KNDC1: variants seen among roughly 807,000 people sequenced by gnomAD.
KNDC1 encodes the protein kinase non-catalytic C-lobe domain containing 1.
KNDC1 carries 106 observed loss-of-function variants against 172.8 expected under a neutral mutation model. The observed-to-expected ratio is 0.61, with a 90% CI of 0.52 to 0.72. KNDC1 has a LOEUF of 0.72. Ranked by LOEUF, KNDC1 falls within the 30% of genes least tolerant of loss-of-function variation. The probability of loss-of-function intolerance (pLI) is 0.00; values close to 1 mark genes in which losing one functional copy is unlikely to be tolerated. For missense variants in KNDC1, 2,325 were observed against 2,394.5 expected (o/e 0.97, Z 0.61); for synonymous variants, 1,083 against 1,062.2 (o/e 1.02, Z -0.38).
chr10:133,186,886 G>A (rs1378020915), intron 6 of KNDC1, among the ~76,000 whole-genome samples: 2 of 152,204 alleles, frequency 1.3e-5, no homozygotes, highest in African/African-American at 4.8e-5. Context: ...GGCCTCTCGG[G>A]TAGACGTTTG....
In KNDC1 at chr10:133,209,283, GGAGTATAGTGT is replaced by G. The variant is rs1845300258; in HGVS notation, c.3795-1326_3795-1316del. On this transcript the variant is annotated intron_variant, in intron 20 of 29. Transcript: ENST00000304613. The surrounding 1 kb of genome is among the most constrained non-coding windows in gnomAD (Gnocchi z 4.9). The stretch of plus-strand genomic sequence containing the variant: ...ATGCGGTAGTGTGTGTGTGGTGTGT[GGAGTATAGTGT>G]GTGTGGTGTGGGGTACAGTGTGTGT... Among the ~76,000 whole-genome samples, 1 of 142,102 alleles carries G rather than the reference GGAGTATAGTGT, an allele frequency of 7.0e-6. No homozygotes were observed. Among genetic ancestry groups the G allele is most frequent in the African/African-American group, 2.5e-5 (1 of 39,276 alleles). 93.2% of individuals were successfully genotyped at this position (142,102 alleles called of 152,430 possible).
chr10:133,204,460 C>G (rs1300281011), intron 17 of KNDC1, among the ~76,000 whole-genome samples: 1 of 152,156 alleles, frequency 6.6e-6, no homozygotes, highest in Non-Finnish European at 1.5e-5. Context: ...GGGAACCTGG[C>G]TTAGTGGCCG....
intron 29 of KNDC1, among the ~76,000 whole-genome samples, chr10:133,221,105 A>G (rs1021389157): frequency 1.3e-5 from 2 of 152,082 alleles, no homozygotes; most frequent in African/African-American, 2.4e-5. Flanking sequence ...ACCCAGGCAC[A>G]CTTTCCACCC....
chr10:133,171,169 A>G (rs534347574), intron 3 of KNDC1, among the ~76,000 whole-genome samples: 1 of 152,002 alleles, frequency 6.6e-6, no homozygotes, highest in Non-Finnish European at 1.5e-5. Context: ...AGTTACTTTA[A>G]CGTTGTAAAG....
At chr10:133,210,028 C>T (rs182825221) in intron 20 of KNDC1, among the ~76,000 whole-genome samples, 2 of 152,204 alleles carry the variant, frequency 1.3e-5, no homozygotes, top group Non-Finnish European at 2.9e-5. Context: ...CCTCAGCTTC[C>T]CGAGCTAACG....
chr10:133,186,732 C>A, intron 6 of KNDC1, 58 bp downstream of exon 6: 1 of 1,257,916 alleles, frequency 7.9e-7, no homozygotes, highest in Non-Finnish European at 1.1e-6. Context: ...AGTCCGGGGC[C>A]GGGCCTCTCC....
intron 20 of KNDC1, 40 bp from the exon 21 acceptor site, chr10:133,210,571 G>C: frequency 7.9e-7 from 1 of 1,260,574 alleles, no homozygotes; most frequent in Non-Finnish European, 1.2e-6. Flanking sequence ...CTGGGGTGCG[G>C]CCACCCCACC....
chr10:133,183,473 G>A lies in KNDC1; in HGVS notation c.490G>A (p.Asp164Asn), dbSNP rs1364114945. The A allele has an allele frequency of 6.2e-7, 1 of 1,603,212 alleles. No homozygotes were observed. The highest frequency in any genetic ancestry group is 1.3e-5 in the African/African-American group (1 of 74,806). Residue 164 changes from aspartate to asparagine, a missense_variant, in exon 4 of 30, where the codon GAC (aspartate) becomes AAC (asparagine). Coordinates refer to ENST00000304613, the MANE Select transcript of KNDC1 (RefSeq NM_152643.8). ...LSRMQAEDPGDRPDLESIIAL... is the reference protein window; with the variant it reads ...LSRMQAEDPGNRPDLESIIAL... ...CCGGATGCAGGCGGAGGACCCCGGG[G>A]ACCGGCCGGACCTTGAGGTAAGCGA... is the stretch of plus-strand genomic sequence containing the variant.
intron 26 of KNDC1, among the ~76,000 whole-genome samples, chr10:133,214,323 G>A (rs1031836465): frequency 5.3e-5 from 8 of 152,180 alleles, no homozygotes; most frequent in African/African-American, 1.9e-4. Context: ...GGGGTCAGCC[G>A]CCCTCCCAGC....
At chr10:133,219,770 T>C (rs1437665043) in intron 28 of KNDC1, among the ~76,000 whole-genome samples, 185 bp from the exon 29 acceptor site, 1 of 152,158 alleles carries the variant, frequency 6.6e-6, no homozygotes, top group Non-Finnish European at 1.5e-5. Context: ...ACCCCGCAGG[T>C]GTGAGCCAAG....
At chr10:133,181,787 G>A (rs1045920838) in intron 3 of KNDC1, among the ~76,000 whole-genome samples, 48 of 151,406 alleles carry the variant, frequency 3.2e-4, no homozygotes, top group African/African-American at 1.1e-3. Context: ...GTGCACGTAT[G>A]TGTCTGCATG....
chr10:133,162,171 C>G (rs1233007022), intron 1 of KNDC1, among the ~76,000 whole-genome samples: 2 of 152,232 alleles, frequency 1.3e-5, no homozygotes, highest in African/African-American at 4.8e-5. Context: ...TGGAAAGCAT[C>G]GGGTGGTCCC....
In KNDC1 at chr10:133,225,020, C is replaced by T; in HGVS notation, c.*130C>T. The T allele has an allele frequency of 1.4e-6, 1 of 737,572 alleles. No individual in the cohort carries two copies. The highest frequency in any genetic ancestry group is 2.3e-6 in the Non-Finnish European group (1 of 435,490). The allele number at this position is 737,572 out of a possible 1,614,324, so 45.7% of individuals were successfully genotyped here. A position where few individuals can be genotyped will look rare whatever the true frequency, so the allele number is the denominator to read the frequency against. ...CGCCCCCGAACCCTGGGGAGCTGGACCAGGAGGTGGAGGCTCAGGGGACCC... is the reference window on the plus strand; with the variant it reads ...CGCCCCCGAACCCTGGGGAGCTGGATCAGGAGGTGGAGGCTCAGGGGACCC... On this transcript the variant is annotated 3_prime_UTR_variant, in exon 30 of 30. Transcript: ENST00000304613.
chr10:133,225,816 C>T lies in KNDC1; in HGVS notation c.*926C>T. 1 of 152,802 alleles carries T rather than the reference C, an allele frequency of 6.5e-6. No individual in the cohort carries two copies. The highest frequency in any genetic ancestry group is 1.5e-5 in the Non-Finnish European group (1 of 68,324). The allele number at this position is 152,802 out of a possible 1,614,324, so 9.5% of individuals were successfully genotyped here. A position where few individuals can be genotyped will look rare whatever the true frequency, so the allele number is the denominator to read the frequency against. ...TTCGCCAGAGACAGGAAGTGCGCTG[C>T]CTCCACGGCCCCTTGCCCTTGCTCA... is the stretch of plus-strand genomic sequence containing the variant. On this transcript the variant is annotated 3_prime_UTR_variant, in exon 30 of 30. Coordinates refer to ENST00000304613, the MANE Select transcript of KNDC1 (RefSeq NM_152643.8).
intron 17 of KNDC1, among the ~76,000 whole-genome samples, chr10:133,204,668 T>C (rs76052758): frequency 0.022 from 3,324 of 152,334 alleles, 43 homozygotes; most frequent in Middle Eastern, 0.034. Context: ...CCTGCATTTT[T>C]TTATTTTGCA....
At chr10:133,204,373 C>G (rs1854465180) in intron 17 of KNDC1, among the ~76,000 whole-genome samples, 1 of 152,258 alleles carries the variant, frequency 6.6e-6, no homozygotes, top group Non-Finnish European at 1.5e-5. Context: ...GCACTTTAGG[C>G]AGCCACGGCA....
At chr10:133,207,621 A>C (rs1161437085) in intron 20 of KNDC1, among the ~76,000 whole-genome samples, 1 of 152,234 alleles carries the variant, frequency 6.6e-6, no homozygotes. Context: ...ACCGCCCTAC[A>C]TAATTAACAC....
At chr10:133,203,956 G>A (rs376155008) in intron 17 of KNDC1, among the ~76,000 whole-genome samples, 6 of 152,216 alleles carry the variant, frequency 3.9e-5, no homozygotes, top group East Asian at 1.9e-4. Flanking sequence ...GGCGGGCATC[G>A]GGCTCGCAGG....
intron 9 of KNDC1, among the ~76,000 whole-genome samples, chr10:133,195,347 T>G (rs1321354751): frequency 6.6e-6 from 1 of 152,182 alleles, no homozygotes; most frequent in Non-Finnish European, 1.5e-5. Context: ...CCAGTTCTCC[T>G]CAAACCCTCG....
Sources: gnomAD v4.1 joint callset for allele counts (sites outside exome capture counted in the v4.1 genomes callset) on GRCh38, gnomAD v4.1.1 for gene constraint, Gnocchi (gnomAD v3.1) non-coding constraint, MANE v1.5 for transcripts, NCBI Gene and HGNC (gene_info 2026-07-23, HGNC 2026-07-21) for gene names.